TAMM41: variants seen among roughly 807,000 people sequenced by gnomAD.
TAMM41 encodes TAM41 mitochondrial translocator assembly and maintenance homolog.
TAMM41 carries 36 observed loss-of-function variants against 44.1 expected under a neutral mutation model. The ratio of observed to expected loss-of-function variants is 0.82; its 90% CI spans 0.63 to 1.08. The LOEUF (loss-of-function observed/expected upper bound fraction) is 1.08, where lower values mean the gene tolerates loss of function less well. Among genes scored for constraint, TAMM41 ranks in the 50% least tolerant of loss-of-function variants. The pLI is 0.00. For missense variants in TAMM41, 417 were observed against 404.3 expected (o/e 1.03, Z -0.27); for synonymous variants, 164 against 153.1 (o/e 1.07, Z -0.53).
chr3:11,779,032 G>T, the TAMM41 span, among the ~76,000 whole-genome samples: 1 of 152,054 alleles, frequency 6.6e-6, no homozygotes, highest in Non-Finnish European at 1.5e-5. Flanking sequence ...GAGGTGTCTG[G>T]GTCATGGGGG....
At chr3:11,786,685 C>T (rs986152330), downstream of TAMM41, among the ~76,000 whole-genome samples, 2 of 152,138 alleles carry the variant, frequency 1.3e-5, no homozygotes, top group Admixed American at 1.3e-4. Flanking sequence ...ACTGCAGCCT[C>T]AACCTTCTAG....
the TAMM41 span, among the ~76,000 whole-genome samples, chr3:11,756,182 C>T: frequency 3.3e-5 from 5 of 152,306 alleles, no homozygotes; most frequent in African/African-American, 1.2e-4. Flanking sequence ...CCTTCTCTGC[C>T]CTTGAGGCAC....
At chr3:11,835,177 G>A (rs1272394871) in intron 3 of TAMM41, among the ~76,000 whole-genome samples, 2 of 151,988 alleles carry the variant, frequency 1.3e-5, no homozygotes, top group Non-Finnish European at 2.9e-5. Context: ...TCTTGTCCAA[G>A]ATACTACCAC....
At chr3:11,773,432 G>C in the TAMM41 span, among the ~76,000 whole-genome samples, 7 of 152,052 alleles carry the variant, frequency 4.6e-5, no homozygotes, top group South Asian at 1.5e-3. Flanking sequence ...TTTTGGCCAG[G>C]TTGGTCTTGA....
intron 7 of TAMM41, among the ~76,000 whole-genome samples, chr3:11,791,316 C>T (rs2077472904): frequency 6.6e-6 from 1 of 152,164 alleles, no homozygotes; most frequent in Non-Finnish European, 1.5e-5. Flanking sequence ...CCCCCTAGCA[C>T]CCCCATCTAC....
intron 4 of TAMM41, among the ~76,000 whole-genome samples, chr3:11,825,452 T>C (rs2078711065): frequency 6.6e-6 from 1 of 152,206 alleles, no homozygotes; most frequent in Admixed American, 6.5e-5. Context: ...AGGTTTCAGA[T>C]GGCTTCATCA....
intron 4 of TAMM41, among the ~76,000 whole-genome samples, chr3:11,828,018 T>C (rs2078829226): frequency 2.0e-5 from 3 of 152,106 alleles, no homozygotes; most frequent in African/African-American, 7.2e-5. Flanking sequence ...CAATGCAAAG[T>C]TATAAATAAA....
chr3:11,804,996 C>CCTTTT (rs1559275694), intron 7 of TAMM41, among the ~76,000 whole-genome samples: 1 of 103,064 alleles, frequency 9.7e-6, no homozygotes, highest in African/African-American at 4.1e-5. Context: ...ACGCCCAGCC[C>CCTTTT]TTTTTTTTTT....
chr3:11,754,499 G>A, the TAMM41 span, among the ~76,000 whole-genome samples: 7 of 151,736 alleles, frequency 4.6e-5, no homozygotes, highest in Non-Finnish European at 1.0e-4. Flanking sequence ...TCAGCCTCTC[G>A]AGTAGCTGGT....
intron 5 of TAMM41, chr3:11,810,756 A>C (rs2078062058): frequency 6.6e-6 from 1 of 152,198 alleles, no homozygotes; most frequent in Non-Finnish European, 1.5e-5. Context: ...AAATTGAATA[A>C]ATATTTATTA....
chr3:11,778,417 A>G, the TAMM41 span, among the ~76,000 whole-genome samples: 1 of 152,056 alleles, frequency 6.6e-6, no homozygotes, highest in Non-Finnish European at 1.5e-5. Context: ...TTGTAGACAC[A>G]GGGTCTTGCT....
intron 7 of TAMM41, among the ~76,000 whole-genome samples, chr3:11,796,252 A>T (rs1480092647): frequency 6.6e-6 from 1 of 152,226 alleles, no homozygotes; most frequent in African/African-American, 2.4e-5. Context: ...AGTGAAATTT[A>T]GATCTACATT....
At chr3:11,824,474 A>T (rs2078660916) in intron 4 of TAMM41, among the ~76,000 whole-genome samples, 1 of 141,894 alleles carries the variant, frequency 7.0e-6, no homozygotes, top group South Asian at 2.2e-4. Context: ...CTGTATTTTT[A>T]GTAGAGATGG....
At chr3:11,801,003 G>A (rs1331383255) in intron 7 of TAMM41, among the ~76,000 whole-genome samples, 1 of 150,996 alleles carries the variant, frequency 6.6e-6, no homozygotes, top group Admixed American at 6.6e-5. Context: ...GAGGTGAGAG[G>A]ACTGCTTAAC....
At chr3:11,779,254 G>C in the TAMM41 span, among the ~76,000 whole-genome samples, 1 of 152,070 alleles carries the variant, frequency 6.6e-6, no homozygotes, top group African/African-American at 2.4e-5. Context: ...GCCCAATCTT[G>C]AACTTTCCAG....
the TAMM41 span, among the ~76,000 whole-genome samples, chr3:11,753,060 A>AG: frequency 6.6e-6 from 1 of 152,176 alleles, no homozygotes. Context: ...TGAAGCTGAT[A>AG]GGAGGAATGA....
At chr3:11,790,953 C>T (rs1399507101) in intron 7 of TAMM41, among the ~76,000 whole-genome samples, 2 of 152,206 alleles carry the variant, frequency 1.3e-5, no homozygotes, top group Non-Finnish European at 2.9e-5. Flanking sequence ...ATTCCAACCC[C>T]ACCTCACTGT....
At chr3:11,768,894 T>G in the TAMM41 span, among the ~76,000 whole-genome samples, 1 of 152,094 alleles carries the variant, frequency 6.6e-6, no homozygotes, top group Non-Finnish European at 1.5e-5. Flanking sequence ...CTAGAAGGGG[T>G]GCAGGAGGAG....
chr3:11,775,661 C>T, the TAMM41 span, among the ~76,000 whole-genome samples: 3 of 152,150 alleles, frequency 2.0e-5, no homozygotes, highest in African/African-American at 7.2e-5. Flanking sequence ...TAAAGATAAC[C>T]GTTTGCGCAG....
Sources: gnomAD v4.1 joint callset for allele counts (sites outside exome capture counted in the v4.1 genomes callset) on GRCh38, gnomAD v4.1.1 for gene constraint, MANE v1.5 for transcripts, NCBI Gene and HGNC (gene_info 2026-07-23, HGNC 2026-07-21) for gene names.